RNLS: variants seen among roughly 807,000 people sequenced by gnomAD.
The protein encoded by RNLS is renalase.
RNLS carries 39 observed loss-of-function variants against 39.8 expected under a neutral mutation model. The observed-to-expected ratio is 0.98, with a 90% CI of 0.76 to 1.28. RNLS has a LOEUF of 1.28. Among genes scored for constraint, RNLS ranks in the 50% most tolerant of loss-of-function variants. The probability of loss-of-function intolerance (pLI) is 0.00; values close to 1 mark genes in which losing one functional copy is unlikely to be tolerated. For missense variants in RNLS, 410 were observed against 413.3 expected (o/e 0.99, Z 0.07); for synonymous variants, 147 against 150.7 (o/e 0.98, Z 0.18).
intron 4 of RNLS, among the ~76,000 whole-genome samples, chr10:88,469,470 C>T (rs2133970553): frequency 6.6e-6 from 1 of 152,164 alleles, no homozygotes; most frequent in Non-Finnish European, 1.5e-5. Context: ...TGCCCAGGTT[C>T]CTATGACGAG....
At chr10:88,482,116 T>G (rs952368457) in intron 4 of RNLS, among the ~76,000 whole-genome samples, 1 of 152,192 alleles carries the variant, frequency 6.6e-6, no homozygotes, top group Admixed American at 6.6e-5. Context: ...TTGACTGTTG[T>G]GTGTCGAGAT....
At chr10:88,333,995 A>T (rs377050215) in intron 5 of RNLS, among the ~76,000 whole-genome samples, 1 of 152,204 alleles carries the variant, frequency 6.6e-6, no homozygotes, top group Non-Finnish European at 1.5e-5. Flanking sequence ...ACTGCTTAGA[A>T]ACTACCCTGT....
intron 4 of RNLS, among the ~76,000 whole-genome samples, chr10:88,398,759 A>C (rs760999178): frequency 1.3e-5 from 2 of 152,012 alleles, no homozygotes; most frequent in Non-Finnish European, 2.9e-5. Flanking sequence ...AACAGAACAA[A>C]CAACCAAAGG....
At chr10:88,234,780 A>G in the RNLS span, among the ~76,000 whole-genome samples, 1 of 152,192 alleles carries the variant, frequency 6.6e-6, no homozygotes, top group African/African-American at 2.4e-5. Flanking sequence ...TCAGAGGGGT[A>G]AAAGTCAAAG....
chr10:88,251,453 C>T, the RNLS span, among the ~76,000 whole-genome samples: 3 of 152,330 alleles, frequency 2.0e-5, no homozygotes, highest in East Asian at 1.9e-4. Context: ...TTGATTAATG[C>T]ACCCAGCACA....
chr10:88,475,653 G>A (rs1014204873), intron 4 of RNLS, among the ~76,000 whole-genome samples: 14 of 152,090 alleles, frequency 9.2e-5, no homozygotes, highest in African/African-American at 3.4e-4. Flanking sequence ...AACTGCAGCT[G>A]TTCCCTCTAC....
chr10:88,191,447 T>A, the RNLS span, among the ~76,000 whole-genome samples: 1 of 152,190 alleles, frequency 6.6e-6, no homozygotes, highest in African/African-American at 2.4e-5. Flanking sequence ...TGGTGTATGA[T>A]GTGATGTTTA....
At chr10:88,479,383 C>T (rs1844018633) in intron 4 of RNLS, among the ~76,000 whole-genome samples, 1 of 152,168 alleles carries the variant, frequency 6.6e-6, no homozygotes, top group African/African-American at 2.4e-5. Flanking sequence ...AAGTAGGACA[C>T]ATTTTAATAG....
intron 4 of RNLS, among the ~76,000 whole-genome samples, chr10:88,384,774 G>A (rs868832437): frequency 1.3e-5 from 2 of 152,144 alleles, no homozygotes; most frequent in African/African-American, 4.8e-5. Flanking sequence ...TGAGCTTTTC[G>A]CTTATGAAAT....
intron 4 of RNLS, among the ~76,000 whole-genome samples, chr10:88,458,822 G>A (rs1335264240): frequency 1.3e-5 from 2 of 152,040 alleles, no homozygotes; most frequent in African/African-American, 2.4e-5. Flanking sequence ...GTTTTGCTTT[G>A]GTTTATATTT....
intron 4 of RNLS, among the ~76,000 whole-genome samples, chr10:88,572,692 T>C (rs1236617418): frequency 6.6e-6 from 1 of 152,230 alleles, no homozygotes; most frequent in Non-Finnish European, 1.5e-5. Flanking sequence ...ATAAGAAAAG[T>C]GTTCAACTTT....
chr10:88,260,768 A>T, the RNLS span, among the ~76,000 whole-genome samples: 3 of 152,328 alleles, frequency 2.0e-5, no homozygotes, highest in East Asian at 5.8e-4. Flanking sequence ...TAAAATAATA[A>T]TTTCTTTAAG....
intron 4 of RNLS, among the ~76,000 whole-genome samples, chr10:88,486,223 A>T (rs1271728828): frequency 1.3e-5 from 2 of 152,134 alleles, no homozygotes; most frequent in African/African-American, 2.4e-5. Flanking sequence ...AATTAACTCA[A>T]GATGGATTAA....
chr10:88,317,521 C>T (rs1845849173), intron 5 of RNLS, among the ~76,000 whole-genome samples: 1 of 152,200 alleles, frequency 6.6e-6, no homozygotes, highest in African/African-American at 2.4e-5. Flanking sequence ...CAATGGAAGA[C>T]TATTCCTGGG....
At chr10:88,387,336 C>G (rs1486726403) in intron 4 of RNLS, among the ~76,000 whole-genome samples, 1 of 151,938 alleles carries the variant, frequency 6.6e-6, no homozygotes, top group Non-Finnish European at 1.5e-5. Flanking sequence ...GAAAAGAGAC[C>G]TGGAGCTTAC....
At chr10:88,182,663 C>G in the RNLS span, among the ~76,000 whole-genome samples, 3 of 151,998 alleles carry the variant, frequency 2.0e-5, no homozygotes, top group Non-Finnish European at 4.4e-5. Context: ...TTCTCTCTCT[C>G]TCTCCATGTA....
the RNLS span, among the ~76,000 whole-genome samples, chr10:88,192,600 G>A: frequency 5.9e-5 from 9 of 152,206 alleles, no homozygotes; most frequent in African/African-American, 1.9e-4. Flanking sequence ...AGTTGCTTTT[G>A]TGGAACACCT....
In RNLS at chr10:88,572,252, C is replaced by A. The variant is rs1041463473; in HGVS notation, c.526+651G>T. On this transcript the variant is annotated intron_variant, in intron 4 of 6. Transcript: ENST00000331772. ...ATCAAACCCTCTGCACATACTTTCC[C>A]CACCACATGTTTTATATCAAAAAGA... is the stretch of plus-strand genomic sequence containing the variant. Among the ~76,000 whole-genome samples the A allele has an allele frequency of 3.8e-5, 5 of 130,144 alleles. No homozygotes were observed. In the East Asian group the frequency reaches 1.1e-3, roughly 29 times the overall value. The allele number at this position is 130,144 out of a possible 152,430, so 85.4% of individuals were successfully genotyped here. A position where few individuals can be genotyped will look rare whatever the true frequency, so the allele number is the denominator to read the frequency against.
At chr10:88,227,326 A>G in the RNLS span, among the ~76,000 whole-genome samples, 1 of 152,222 alleles carries the variant, frequency 6.6e-6, no homozygotes, top group Admixed American at 6.5e-5. Context: ...AACAATATCA[A>G]GCTGATGAAA....
Sources: allele counts gnomAD v4.1 joint callset (sites outside exome capture counted in the v4.1 genomes callset), GRCh38; gene constraint gnomAD v4.1.1; transcripts MANE v1.5; gene names NCBI Gene and HGNC (gene_info 2026-07-23, HGNC 2026-07-21).